The following LGMN variants were observed in gnomAD, a reference collection of about 807,000 sequenced individuals.
LGMN encodes asparaginyl endopeptidase.
Under a neutral mutation model 56.8 loss-of-function variants are expected in LGMN, and 36 were observed. The observed-to-expected ratio is 0.63, with a 90% CI of 0.49 to 0.84. The LOEUF (loss-of-function observed/expected upper bound fraction) is 0.84, where lower values mean the gene tolerates loss of function less well. Ranked by LOEUF, LGMN falls within the 40% of genes least tolerant of loss-of-function variation. The pLI is 0.00. For missense variants in LGMN, 446 were observed against 556.1 expected (o/e 0.80, Z 1.99); for synonymous variants, 199 against 210.1 (o/e 0.95, Z 0.46).
chr14:92,704,477 C>T (rs1889320003), intron 13 of LGMN, 116 bp from the exon 14 acceptor site: 4 of 1,056,454 alleles, frequency 3.8e-6, no homozygotes, highest in Non-Finnish European at 5.8e-6. Flanking sequence ...CAGCAGCTGT[C>T]ACTGAGAACG....
At position 92,711,418 on chromosome 14, in the gene LGMN, C is replaced by T. The variant is rs117961695; in HGVS notation, c.819+241G>A. ...GCTTGGGTTTCAACCAATGAGAAAACAAATTCACAGAAGTGAAATCACTTG... is the reference window on the plus strand; with the variant it reads ...GCTTGGGTTTCAACCAATGAGAAAATAAATTCACAGAAGTGAAATCACTTG... On this transcript the variant is annotated intron_variant, in intron 10 of 13. Coordinates refer to ENST00000334869, the MANE Select transcript of LGMN (RefSeq NM_005606.7). Among the ~76,000 whole-genome samples, 21 of 152,328 alleles carry T rather than the reference C, an allele frequency of 1.4e-4. No individual in the cohort carries two copies. In the East Asian group the frequency reaches 4.0e-3, roughly 29 times the overall value.
intron 2 of LGMN, among the ~76,000 whole-genome samples, chr14:92,724,004 T>G (rs151178062): frequency 6.6e-6 from 1 of 152,160 alleles, no homozygotes; most frequent in Admixed American, 6.5e-5. Context: ...AGTGCTGGGA[T>G]TATAGGTGTG....
At chr14:92,718,907 G>C (rs1890208154) in intron 2 of LGMN, 63 bp from the exon 3 acceptor site, 1 of 1,085,984 alleles carries the variant, frequency 9.2e-7, no homozygotes, top group Middle Eastern at 2.0e-4. Context: ...GGAGTTCTAA[G>C]GAGTGATGTG....
intron 5 of LGMN, 75 bp downstream of exon 5, chr14:92,716,058 GAAC>G: frequency 2.0e-6 from 2 of 988,440 alleles, no homozygotes; most frequent in South Asian, 3.0e-5. Flanking sequence ...TAGGGGCACA[GAAC>G]AACACCTGTT....
At chr14:92,737,461 A>G (rs1891358031) in intron 1 of LGMN, among the ~76,000 whole-genome samples, 1 of 152,030 alleles carries the variant, frequency 6.6e-6, no homozygotes, top group African/African-American at 2.4e-5. Flanking sequence ...ACTCCCTCCC[A>G]CCTGGGGAGT....
chr14:92,719,899 G>A (rs1009008588), intron 2 of LGMN, among the ~76,000 whole-genome samples: 2 of 152,220 alleles, frequency 1.3e-5, no homozygotes, highest in Non-Finnish European at 2.9e-5. Flanking sequence ...AAAGACATAA[G>A]TAAGCATAAG....
intron 2 of LGMN, among the ~76,000 whole-genome samples, chr14:92,719,158 GCCACCACCA>G (rs71123370): frequency 0.18 from 17,433 of 95,884 alleles, 1,468 homozygotes; most frequent in East Asian, 0.35. Flanking sequence ...CACCGCCACT[GCCACCACCA>G]CCACCACCAC....
At chr14:92,732,241 G>A (rs894612791) in intron 2 of LGMN, among the ~76,000 whole-genome samples, 2 of 152,244 alleles carry the variant, frequency 1.3e-5, no homozygotes, top group South Asian at 4.1e-4. Context: ...AGAATTCTGC[G>A]TTATTACAGT....
chr14:92,712,763 T>C (rs768087886), intron 8 of LGMN, 42 bp downstream of exon 8: 2 of 1,598,678 alleles, frequency 1.3e-6, no homozygotes, highest in South Asian at 1.1e-5. Flanking sequence ...CTGAGCAACC[T>C]GCTTGCCAGC....
intron 2 of LGMN, among the ~76,000 whole-genome samples, chr14:92,719,225 C>A (rs1440094284): frequency 2.9e-5 from 2 of 69,976 alleles, no homozygotes; most frequent in African/African-American, 8.8e-5. Flanking sequence ...ACCAACACCA[C>A]CACCGCCACC....
At chr14:92,733,240 C>T (rs903326523) in intron 1 of LGMN, among the ~76,000 whole-genome samples, 3 of 151,834 alleles carry the variant, frequency 2.0e-5, no homozygotes, top group African/African-American at 7.3e-5. Flanking sequence ...CATTTAACCA[C>T]CAGAGTATGT....
intron 1 of LGMN, among the ~76,000 whole-genome samples, chr14:92,745,010 G>T (rs1891756421): frequency 6.6e-6 from 1 of 152,100 alleles, no homozygotes; most frequent in South Asian, 2.1e-4. Flanking sequence ...AGGAAATTTG[G>T]GTCAACGGTG....
chr14:92,704,290 A>G lies in LGMN; in HGVS notation c.*29T>C, dbSNP rs1889306460. On this transcript the variant is annotated 3_prime_UTR_variant, in exon 14 of 14. Transcript: ENST00000334869. ...AGCACACAGTCGGTGGGGCGCTCAC[A>G]CTTGGAAAAGCTTCCAGGAGGCAGC... 6.2e-7 allele frequency: 1 copy of G among 1,611,286 alleles called. No homozygotes were observed. Among genetic ancestry groups the G allele is most frequent in the Non-Finnish European group, 8.5e-7 (1 of 1,179,844 alleles).
At chr14:92,720,912 A>G (rs945373625) in intron 2 of LGMN, among the ~76,000 whole-genome samples, 5 of 150,302 alleles carry the variant, frequency 3.3e-5, no homozygotes, top group Non-Finnish European at 5.9e-5. Flanking sequence ...TTTTTTTTTG[A>G]GACAGGGTCT....
Position 92,716,120 on chromosome 14 carries a change from C to A in LGMN, c.404+16G>T. The stretch of plus-strand genomic sequence containing the variant: ...AAGCCATTGAGAGAAGTGTAGTATC[C>A]GTAAACAGACATTACCTCTTCAGGA... On this transcript the variant is annotated intron_variant, in intron 5 of 13. Transcript: ENST00000334869. 6.4e-7 allele frequency: 1 copy of A among 1,558,330 alleles called. No individual in the cohort carries two copies. The highest frequency in any genetic ancestry group is 1.1e-5 in the South Asian group (1 of 87,564).
intron 2 of LGMN, among the ~76,000 whole-genome samples, chr14:92,731,169 C>A (rs1472185147): frequency 6.6e-6 from 1 of 152,126 alleles, no homozygotes; most frequent in Non-Finnish European, 1.5e-5. Flanking sequence ...TGGCACATAA[C>A]CCCACTGCAG....
chr14:92,747,285 G>A (rs970283559), intron 1 of LGMN, among the ~76,000 whole-genome samples: 1 of 151,980 alleles, frequency 6.6e-6, no homozygotes, highest in Non-Finnish European at 1.5e-5. Flanking sequence ...CTTGTCAGGA[G>A]TTCGAGACCA....
chr14:92,734,205 TC>T (rs1891193313), intron 1 of LGMN, among the ~76,000 whole-genome samples: 1 of 147,408 alleles, frequency 6.8e-6, no homozygotes, highest in Non-Finnish European at 1.5e-5. Context: ...GAGGTTAGGG[TC>T]TGAGAGCAAT....
At chr14:92,710,296 C>T (rs1464753149) in intron 10 of LGMN, among the ~76,000 whole-genome samples, 2 of 152,224 alleles carry the variant, frequency 1.3e-5, no homozygotes, top group African/African-American at 2.4e-5. Flanking sequence ...CAAAGGATGC[C>T]GCCTATCCAG....
Sources: allele counts gnomAD v4.1 joint callset (sites outside exome capture counted in the v4.1 genomes callset), GRCh38; gene constraint gnomAD v4.1.1; transcripts MANE v1.5; gene names NCBI Gene and HGNC (gene_info 2026-07-23, HGNC 2026-07-21).